Variants in AAK1 observed in about 807,000 individuals in gnomAD.
AAK1 encodes AP2 associated kinase 1.
Under a neutral mutation model 116.0 loss-of-function variants are expected in AAK1, and 37 were observed. The observed-to-expected ratio is 0.32, with a 90% CI of 0.25 to 0.42. AAK1 has a LOEUF of 0.42. Among genes scored for constraint, AAK1 ranks in the 10% least tolerant of loss-of-function variants. The pLI is 1.00. For synonymous variants in AAK1, 458 were observed against 439.9 expected, an observed-to-expected ratio of 1.04 and a Z score of -0.51; for missense variants, 919 against 1,170.6, an observed-to-expected ratio of 0.79 and a Z score of 3.14.
At chr2:69,561,012 C>T (rs940453687) in intron 2 of AAK1, among the ~76,000 whole-genome samples, 1 of 152,162 alleles carries the variant, frequency 6.6e-6, no homozygotes, top group Non-Finnish European at 1.5e-5. Flanking sequence ...CTGGTTTTGT[C>T]GGATCTGCTA....
intron 2 of AAK1, among the ~76,000 whole-genome samples, chr2:69,591,636 T>C (rs1226893364): frequency 6.7e-6 from 1 of 150,184 alleles, no homozygotes; most frequent in African/African-American, 2.5e-5. Context: ...AGTGGCGCAA[T>C]CTCGGCTCAC....
rs1399635877 is a variant in AAK1, at chr2:69,509,400, C to G, written c.1837G>C (p.Gly613Arg). The part of the protein sequence containing the change: ...VQTTPPPAVQ[G>R]QKVGSLTPPS... Reference sequence around the variant, plus strand: ...GGAGTGAGAGATCCAACTTTCTGCCCCTGGACGGCAGGAGGTGGGGTTGTC... The same window carrying G: ...GGAGTGAGAGATCCAACTTTCTGCCGCTGGACGGCAGGAGGTGGGGTTGTC... The change falls in exon 14 of 22, where the codon GGG (glycine) becomes CGG (arginine). Residue 613 changes from glycine to arginine, a missense_variant. Transcript: ENST00000409085. 6.2e-7 allele frequency: 1 copy of G among 1,613,892 alleles called. No homozygotes were observed. The highest frequency in any genetic ancestry group is 2.2e-5 in the East Asian group (1 of 44,876).
At chr2:69,627,778 T>C (rs574765900) in intron 2 of AAK1, among the ~76,000 whole-genome samples, 1 of 152,302 alleles carries the variant, frequency 6.6e-6, no homozygotes, top group African/African-American at 2.4e-5. Flanking sequence ...TTATGACAAC[T>C]CCCACTCCAA....
chr2:69,541,479 G>A (rs1174016962), intron 5 of AAK1, among the ~76,000 whole-genome samples: 3 of 152,062 alleles, frequency 2.0e-5, no homozygotes, highest in Non-Finnish European at 2.9e-5. Flanking sequence ...TGATCTGCCC[G>A]CCTTGGCCTC....
At chr2:69,637,794 AT>A (rs1160159093) in intron 2 of AAK1, among the ~76,000 whole-genome samples, 2 of 152,188 alleles carry the variant, frequency 1.3e-5, no homozygotes, top group African/African-American at 2.4e-5. Context: ...GTTAATATTT[AT>A]CAAACCTTTC....
At chr2:69,476,100 A>G in intron 21 of AAK1, 137 bp from the exon 22 acceptor site, 2 of 1,443,230 alleles carry the variant, frequency 1.4e-6, no homozygotes, top group Non-Finnish European at 1.8e-6. Flanking sequence ...ACCCTAGAGA[A>G]GCAATATTTT....
chr2:69,555,482 C>T (rs533264900), intron 3 of AAK1, among the ~76,000 whole-genome samples: 5 of 152,312 alleles, frequency 3.3e-5, no homozygotes, highest in South Asian at 2.1e-4. Context: ...CAGGGGCAAG[C>T]GGAGCCTGAT....
chr2:69,573,530 C>T (rs373490904), intron 2 of AAK1, among the ~76,000 whole-genome samples: 4 of 152,302 alleles, frequency 2.6e-5, no homozygotes, highest in East Asian at 1.9e-4. Flanking sequence ...TAAGCTGCAT[C>T]GGCAAGTAGT....
At chr2:69,507,765 G>T (rs1676244422) in intron 14 of AAK1, among the ~76,000 whole-genome samples, 187 bp from the exon 15 acceptor site, 1 of 149,020 alleles carries the variant, frequency 6.7e-6, no homozygotes, top group Non-Finnish European at 1.5e-5. Context: ...GGAGCACAAT[G>T]GCGTGATCTC....
chr2:69,622,611 C>A (rs146098691), intron 2 of AAK1, among the ~76,000 whole-genome samples: 3,466 of 152,290 alleles, frequency 0.023, 259 homozygotes, highest in East Asian at 0.16. Flanking sequence ...CCAATCAGCA[C>A]CTTGTGTCTA....
At chr2:69,576,067 T>C (rs1672303236) in intron 2 of AAK1, among the ~76,000 whole-genome samples, 1 of 152,148 alleles carries the variant, frequency 6.6e-6, no homozygotes, top group African/African-American at 2.4e-5. Context: ...AGAATGAAAG[T>C]ACCCTGGAGC....
chr2:69,547,937 T>C (rs900641202), intron 3 of AAK1, among the ~76,000 whole-genome samples: 2 of 152,156 alleles, frequency 1.3e-5, no homozygotes, highest in Non-Finnish European at 2.9e-5. Flanking sequence ...TGCTATGACA[T>C]GTATCAAGGA....
At chr2:69,505,304 G>A (rs746544086) in intron 16 of AAK1, among the ~76,000 whole-genome samples, 2 of 152,128 alleles carry the variant, frequency 1.3e-5, no homozygotes, top group Non-Finnish European at 2.9e-5. Context: ...GGACTAGAGA[G>A]AACAAGTCCT....
intron 17 of AAK1, among the ~76,000 whole-genome samples, chr2:69,485,402 T>A (rs907772847): frequency 6.6e-6 from 1 of 152,222 alleles, no homozygotes; most frequent in Non-Finnish European, 1.5e-5. Flanking sequence ...AAAATGGAGA[T>A]GCCTCCCCCT....
intron 16 of AAK1, among the ~76,000 whole-genome samples, chr2:69,496,970 A>G (rs1675769928): frequency 6.6e-6 from 1 of 152,184 alleles, no homozygotes; most frequent in South Asian, 2.1e-4. Flanking sequence ...TTGGCAAAAT[A>G]TAGATTTACA....
At chr2:69,639,493 AGCCT>A (rs1334657482) in intron 2 of AAK1, among the ~76,000 whole-genome samples, 2 of 152,174 alleles carry the variant, frequency 1.3e-5, no homozygotes, top group African/African-American at 4.8e-5. Flanking sequence ...CATAACTTAA[AGCCT>A]TCACTTCCCC....
intron 18 of AAK1, 27 bp from the exon 19 acceptor site, chr2:69,480,988 G>A (rs1158586351): frequency 1.3e-6 from 2 of 1,552,572 alleles, no homozygotes; most frequent in Non-Finnish European, 1.8e-6. Context: ...TTAAGAAGAG[G>A]AAAGGGTAAG....
intron 2 of AAK1, among the ~76,000 whole-genome samples, chr2:69,563,965 A>G (rs6746042): frequency 0.045 from 6,777 of 152,166 alleles, 537 homozygotes; most frequent in African/African-American, 0.16. Flanking sequence ...AGGCCGAGGC[A>G]GGTGGATCAC....
intron 13 of AAK1, 134 bp downstream of exon 13, chr2:69,514,337 C>G: frequency 8.5e-7 from 1 of 1,174,012 alleles, no homozygotes; most frequent in Non-Finnish European, 1.2e-6. Context: ...AAGGAAAGAT[C>G]AAATAATTGA....
Sources: gnomAD v4.1 joint callset for allele counts (sites outside exome capture counted in the v4.1 genomes callset) on GRCh38, gnomAD v4.1.1 for gene constraint, MANE v1.5 for transcripts, NCBI Gene and HGNC (gene_info 2026-07-23, HGNC 2026-07-21) for gene names.